Variants in SDK1 observed in about 807,000 individuals in gnomAD.
The protein encoded by SDK1 is sidekick cell adhesion molecule 1.
Under a neutral mutation model 245.5 loss-of-function variants are expected in SDK1, and 157 were observed. The ratio of observed to expected loss-of-function variants is 0.64; its 90% confidence interval spans 0.56 to 0.73. The LOEUF (loss-of-function observed/expected upper bound fraction) is 0.73, where lower values mean the gene tolerates loss of function less well. Among genes scored for constraint, SDK1 ranks in the 30% least tolerant of loss-of-function variants. SDK1 has a pLI of 0.00. For synonymous variants in SDK1, 1,647 were observed against 1,278.5 expected, an observed-to-expected ratio of 1.29 and a Z score of -6.15; for missense variants, 3,583 against 3,002.3, an observed-to-expected ratio of 1.19 and a Z score of -4.52.
intron 1 of SDK1, among the ~76,000 whole-genome samples, chr7:3,616,263 A>G (rs1484875742): frequency 6.6e-6 from 1 of 152,192 alleles, no homozygotes; most frequent in Non-Finnish European, 1.5e-5. Flanking sequence ...GGTTATAAAT[A>G]GGGTGATCAC....
intron 1 of SDK1, among the ~76,000 whole-genome samples, chr7:3,350,909 G>T (rs1780642979): frequency 6.6e-6 from 1 of 152,128 alleles, no homozygotes; most frequent in South Asian, 2.1e-4. Flanking sequence ...GCTTTAACTG[G>T]TTTATATTTT....
At chr7:3,743,377 C>T (rs139644725) in intron 4 of SDK1, among the ~76,000 whole-genome samples, 53 of 152,196 alleles carry the variant, frequency 3.5e-4, no homozygotes, top group African/African-American at 1.3e-3. Context: ...AACATTCAGC[C>T]CATTCTCCTT....
intron 1 of SDK1, among the ~76,000 whole-genome samples, chr7:3,341,348 C>A (rs941192165): frequency 1.3e-5 from 2 of 152,070 alleles, no homozygotes; most frequent in African/African-American, 4.8e-5. Flanking sequence ...CAATAAAGAA[C>A]TTTCTCAACT....
chr7:3,772,931 C>G (rs1032989542), intron 4 of SDK1, among the ~76,000 whole-genome samples: 7 of 152,116 alleles, frequency 4.6e-5, no homozygotes, highest in Non-Finnish European at 1.0e-4. Context: ...TCCCATGTAT[C>G]GTGATGAATC....
At chr7:3,490,589 C>A (rs189956330) in intron 1 of SDK1, among the ~76,000 whole-genome samples, 4 of 152,180 alleles carry the variant, frequency 2.6e-5, no homozygotes, top group African/African-American at 9.7e-5. Context: ...CCGCCACTTC[C>A]ATTTAGCTTT....
At chr7:3,915,747 C>G (rs1779352889) in intron 5 of SDK1, among the ~76,000 whole-genome samples, 1 of 152,098 alleles carries the variant, frequency 6.6e-6, no homozygotes. Context: ...GATAAAGTAC[C>G]CTTGAGAGCT....
At chr7:3,704,726 G>T (rs1296157319) in intron 4 of SDK1, among the ~76,000 whole-genome samples, 1 of 151,930 alleles carries the variant, frequency 6.6e-6, no homozygotes, top group Non-Finnish European at 1.5e-5. Context: ...CATTTTTGTT[G>T]CATTTGCTTT....
At chr7:3,602,146 A>G (rs1781273880) in intron 1 of SDK1, among the ~76,000 whole-genome samples, 1 of 151,942 alleles carries the variant, frequency 6.6e-6, no homozygotes, top group African/African-American at 2.4e-5. Context: ...ATACGTGTGC[A>G]TGTGTCTTTA....
intron 1 of SDK1, among the ~76,000 whole-genome samples, chr7:3,446,127 G>C (rs186772641): frequency 6.6e-6 from 1 of 151,884 alleles, no homozygotes; most frequent in African/African-American, 2.4e-5. Flanking sequence ...CATTTGAGTT[G>C]GTTTCCCTGT....
intron 2 of SDK1, among the ~76,000 whole-genome samples, chr7:3,622,621 CTT>C (rs749358356): frequency 1.4e-4 from 21 of 152,180 alleles, no homozygotes; most frequent in South Asian, 6.2e-4. Flanking sequence ...GTGGAACACT[CTT>C]TGTATTCTTA....
intron 32 of SDK1, 35 bp downstream of exon 32, chr7:4,161,891 A>C: frequency 6.4e-7 from 1 of 1,569,286 alleles, no homozygotes; most frequent in South Asian, 1.1e-5. Context: ...GTTTTGTCAA[A>C]TGTGTTCTCA....
chr7:3,599,002 ATGCTTGCTTTT>A (rs1462612077), intron 1 of SDK1, among the ~76,000 whole-genome samples: 435 of 151,354 alleles, frequency 2.9e-3, no homozygotes, highest in Middle Eastern at 6.9e-3. Context: ...TGGTAGTTGC[ATGCTTGCTTTT>A]ATCAGAAACC....
intron 1 of SDK1, among the ~76,000 whole-genome samples, chr7:3,417,590 G>A (rs1269513156): frequency 1.3e-5 from 2 of 152,124 alleles, no homozygotes; most frequent in Non-Finnish European, 2.9e-5. Context: ...GAGTATCTGT[G>A]CTCATTAACC....
chr7:3,668,104 T>TAA (rs1310915251), intron 4 of SDK1, among the ~76,000 whole-genome samples: 1 of 152,218 alleles, frequency 6.6e-6, no homozygotes, highest in African/African-American at 2.4e-5. Context: ...GACAGAGGGA[T>TAA]AATGGCAGTT....
intron 1 of SDK1, among the ~76,000 whole-genome samples, chr7:3,358,603 T>G (rs1298285551): frequency 6.6e-6 from 1 of 152,170 alleles, no homozygotes; most frequent in Non-Finnish European, 1.5e-5. Context: ...GTAAAGACAA[T>G]CTCAGAATTA....
intron 1 of SDK1, among the ~76,000 whole-genome samples, chr7:3,449,766 C>A (rs1193563710): frequency 2.6e-5 from 4 of 152,192 alleles, no homozygotes; most frequent in Non-Finnish European, 4.4e-5. Context: ...CTTCATTCAG[C>A]CAATATTTAC....
At chr7:3,322,191 C>T (rs771326121) in intron 1 of SDK1, among the ~76,000 whole-genome samples, 2 of 152,048 alleles carry the variant, frequency 1.3e-5, no homozygotes, top group Admixed American at 6.6e-5. Flanking sequence ...ACCATCCACC[C>T]GTGTTCTGCT....
intron 1 of SDK1, among the ~76,000 whole-genome samples, chr7:3,511,416 A>C (rs1372704615): frequency 6.6e-6 from 1 of 152,218 alleles, no homozygotes; most frequent in African/African-American, 2.4e-5. Context: ...TAAATTACTT[A>C]AAGTTCAATA....
At chr7:3,675,680 C>G (rs1358350556) in intron 4 of SDK1, among the ~76,000 whole-genome samples, 1 of 152,076 alleles carries the variant, frequency 6.6e-6, no homozygotes, top group Non-Finnish European at 1.5e-5. Context: ...CTCAAGCCAT[C>G]CACTTACCTC....
Sources: gnomAD v4.1 joint callset for allele counts (sites outside exome capture counted in the v4.1 genomes callset) on GRCh38, gnomAD v4.1.1 for gene constraint, MANE v1.5 for transcripts, NCBI Gene and HGNC (gene_info 2026-07-23, HGNC 2026-07-21) for gene names.